The following CYP39A1 variants were observed in gnomAD, a reference collection of about 807,000 sequenced individuals.
CYP39A1 encodes the protein cytochrome P450 family 39 subfamily A member 1.
CYP39A1 carries 49 observed loss-of-function variants against 58.1 expected under a neutral mutation model. The ratio of observed to expected loss-of-function variants is 0.84; its 90% CI spans 0.67 to 1.07. CYP39A1 has a LOEUF of 1.07. Ranked by LOEUF, CYP39A1 falls within the 50% of genes least tolerant of loss-of-function variation. The pLI, the probability that CYP39A1 is intolerant of heterozygous loss-of-function variation, is 0.00. For synonymous variants in CYP39A1, 209 were observed against 187.6 expected (o/e 1.11, Z -0.93); for missense variants, 531 against 539.4 (o/e 0.98, Z 0.16).
chr6:46,625,552 G>T (rs1481990027), intron 6 of CYP39A1, 44 bp from the exon 7 acceptor site: 2 of 1,448,968 alleles, frequency 1.4e-6, no homozygotes, highest in Non-Finnish European at 1.9e-6. Context: ...CTTCTTTGAA[G>T]GTGAACAAAA....
chr6:46,623,641 T>C (rs961818226), intron 7 of CYP39A1, among the ~76,000 whole-genome samples: 1 of 152,196 alleles, frequency 6.6e-6, no homozygotes, highest in Non-Finnish European at 1.5e-5. Flanking sequence ...TCTCTCTTTA[T>C]CTATGTATCT....
rs80034091 is a variant in CYP39A1 at position 46,554,655 on chromosome 6, C to T, written c.1251-801G>A. Among the ~76,000 whole-genome samples the T allele has an allele frequency of 8.2e-3, 1,242 of 152,290 alleles. 15 individuals carry two copies. The highest frequency in any genetic ancestry group is 0.028 in the African/African-American group (1,180 of 41,552). Reference sequence around the variant, plus strand: ...ATAAATAGAATTCTGTTATTTTTCCCTGTGTCCCATTGGGTTGTTTTGAAC... The same window carrying T: ...ATAAATAGAATTCTGTTATTTTTCCTTGTGTCCCATTGGGTTGTTTTGAAC... On this transcript the variant is annotated intron_variant, in intron 10 of 11. Coordinates refer to ENST00000275016, the MANE Select transcript of CYP39A1 (RefSeq NM_016593.5).
intron 10 of CYP39A1, among the ~76,000 whole-genome samples, chr6:46,572,281 T>C (rs1188754803): frequency 6.6e-6 from 1 of 152,134 alleles, no homozygotes; most frequent in African/African-American, 2.4e-5. Context: ...CTTTCATGCA[T>C]TTTTATGTTA....
intron 10 of CYP39A1, among the ~76,000 whole-genome samples, chr6:46,562,506 G>A (rs1299875335): frequency 6.6e-6 from 1 of 151,898 alleles, no homozygotes; most frequent in African/African-American, 2.4e-5. Context: ...GGTGGCTCAT[G>A]CCTATAATCC....
intron 10 of CYP39A1, among the ~76,000 whole-genome samples, chr6:46,577,634 C>A (rs1771907997): frequency 6.6e-6 from 1 of 151,984 alleles, no homozygotes; most frequent in South Asian, 2.1e-4. Flanking sequence ...GTTATTCTTA[C>A]TTCAAACAGA....
chr6:46,570,954 G>A (rs936193328), intron 10 of CYP39A1, among the ~76,000 whole-genome samples: 6 of 152,088 alleles, frequency 3.9e-5, no homozygotes, highest in African/African-American at 1.2e-4. Context: ...GTCTCAAAAT[G>A]TAAACAAAGT....
chr6:46,567,437 G>A (rs1362141873), intron 10 of CYP39A1, among the ~76,000 whole-genome samples: 1 of 151,982 alleles, frequency 6.6e-6, no homozygotes, highest in Non-Finnish European at 1.5e-5. Context: ...GCCTAGGAGG[G>A]CAAATACTTC....
chr6:46,629,890 C>T (rs1775542085), intron 6 of CYP39A1, among the ~76,000 whole-genome samples: 1 of 152,088 alleles, frequency 6.6e-6, no homozygotes, highest in South Asian at 2.1e-4. Flanking sequence ...CATGACGTGA[C>T]AGACAAATCT....
At chr6:46,634,523 G>GT (rs530045412) in intron 5 of CYP39A1, among the ~76,000 whole-genome samples, 17,289 of 130,796 alleles carry the variant, frequency 0.13, 1,408 homozygotes, top group African/African-American at 0.2. Context: ...TTTTCTTTTT[G>GT]CTTTTTTTTT....
At chr6:46,588,331 A>G (rs865860792) in intron 8 of CYP39A1, among the ~76,000 whole-genome samples, 4 of 150,472 alleles carry the variant, frequency 2.7e-5, no homozygotes, top group Non-Finnish European at 5.9e-5. Flanking sequence ...TATAGTATCT[A>G]TATAATTCTG....
chr6:46,586,040 T>C (rs1257017685), intron 10 of CYP39A1, among the ~76,000 whole-genome samples: 1 of 152,116 alleles, frequency 6.6e-6, no homozygotes, highest in African/African-American at 2.4e-5. Context: ...CCCATTTGCT[T>C]AGGCTTAGAT....
rs1010177872 is a variant in CYP39A1, at chr6:46,552,400, G to A, written c.1338+1367C>T. ...GCTCTTCATCACCGATAAGTTACTC[G>A]TCCTCAAAATAGAAGTGCAAAAGAA... On this transcript the variant is annotated intron_variant, in intron 11 of 11. Transcript: ENST00000275016. 7.9e-5 allele frequency among the ~76,000 whole-genome samples: 12 copies of A among 152,206 alleles called. No individual in the cohort carries two copies. In the South Asian group the frequency reaches 1.9e-3, roughly 24 times the overall value.
intron 7 of CYP39A1, among the ~76,000 whole-genome samples, chr6:46,604,009 G>T (rs1377312344): frequency 6.6e-6 from 1 of 152,068 alleles, no homozygotes; most frequent in Non-Finnish European, 1.5e-5. Flanking sequence ...GGATAACCCT[G>T]TAAAATATGC....
intron 8 of CYP39A1, among the ~76,000 whole-genome samples, chr6:46,588,839 G>A (rs1258426317): frequency 6.6e-6 from 1 of 152,140 alleles, no homozygotes; most frequent in African/African-American, 2.4e-5. Context: ...TCCTCAGGTA[G>A]TCTACATTAT....
intron 10 of CYP39A1, among the ~76,000 whole-genome samples, chr6:46,572,176 T>C (rs926203589): frequency 3.3e-5 from 4 of 122,066 alleles, no homozygotes; most frequent in African/African-American, 1.9e-4. Flanking sequence ...TTTAATATTT[T>C]TTTCGGGAGT....
At chr6:46,640,395 A>G (rs915801062) in intron 2 of CYP39A1, among the ~76,000 whole-genome samples, 1 of 152,072 alleles carries the variant, frequency 6.6e-6, no homozygotes. Context: ...GCAAATTTCT[A>G]TTTGTCCTTC....
At chr6:46,631,106 T>C in intron 5 of CYP39A1, 36 bp from the exon 6 acceptor site, 2 of 1,414,436 alleles carry the variant, frequency 1.4e-6, no homozygotes, top group Non-Finnish European at 2.0e-6. Context: ...AAACCATGGC[T>C]ATGTGACAAA....
At chr6:46,551,621 T>C (rs796492212) in intron 11 of CYP39A1, among the ~76,000 whole-genome samples, 11 of 152,266 alleles carry the variant, frequency 7.2e-5, no homozygotes, top group African/African-American at 2.6e-4. Flanking sequence ...AAATAAAACA[T>C]TGGGCTGTTG....
chr6:46,642,328 G>A, intron 1 of CYP39A1, 30 bp from the exon 2 acceptor site: 1 of 1,597,692 alleles, frequency 6.3e-7, no homozygotes, highest in Non-Finnish European at 8.5e-7. Context: ...GATTATATTA[G>A]TAAGCATTCC....
Sources: gnomAD v4.1 joint callset for allele counts (sites outside exome capture counted in the v4.1 genomes callset) on GRCh38, gnomAD v4.1.1 for gene constraint, MANE v1.5 for transcripts, NCBI Gene and HGNC (gene_info 2026-07-23, HGNC 2026-07-21) for gene names.